Variants in LMOD1 observed in about 807,000 individuals in gnomAD.
LMOD1 encodes the protein leiomodin 1, also known as leiomodin-1.
In LMOD1, 8 loss-of-function variants were observed where a neutral mutation model predicts 36.5. The ratio of observed to expected loss-of-function variants is 0.22; its 90% CI spans 0.13 to 0.40. The LOEUF (loss-of-function observed/expected upper bound fraction) is 0.40, where lower values mean the gene tolerates loss of function less well. Ranked by LOEUF, LMOD1 falls within the 10% of genes least tolerant of loss-of-function variation. The pLI, the probability that LMOD1 is intolerant of heterozygous loss-of-function variation, is 1.00. For missense variants in LMOD1, 630 were observed against 751.1 expected, an observed-to-expected ratio of 0.84 and a Z score of 1.88; for synonymous variants, 284 against 288.7, an observed-to-expected ratio of 0.98 and a Z score of 0.17.
intron 1 of LMOD1, among the ~76,000 whole-genome samples, chr1:201,904,576 A>G (rs991134065): frequency 2.6e-4 from 40 of 152,244 alleles, no homozygotes; most frequent in Middle Eastern, 6.8e-3. Context: ...CTAATCCAGG[A>G]CTACTCCCCA....
chr1:201,903,924 T>G (rs765407310), intron 1 of LMOD1, among the ~76,000 whole-genome samples: 10 of 152,202 alleles, frequency 6.6e-5, no homozygotes, highest in African/African-American at 2.4e-4. Context: ...GTTAACTGAC[T>G]TCACCTAGCA....
intron 1 of LMOD1, among the ~76,000 whole-genome samples, chr1:201,927,623 A>C (rs1262313539): frequency 6.6e-6 from 1 of 151,958 alleles, no homozygotes; most frequent in Non-Finnish European, 1.5e-5. Context: ...TATACTTTTC[A>C]GTGAAGTTGA....
Position 201,899,073 on chromosome 1 carries a change from C to T in LMOD1, c.1776+164G>A. ...TATACAGGTGTGACCTGCCTGCAGG[C>T]AGGAGGATGCATGAGATGACCTGAA... On this transcript the variant is annotated intron_variant, in intron 2 of 2. Transcript: ENST00000367288. The surrounding 1 kb of genome is among the most constrained non-coding windows in gnomAD (Gnocchi z 6.3). 1 of 605,320 alleles carries T rather than the reference C, an allele frequency of 1.7e-6. No individual in the cohort carries two copies. Among genetic ancestry groups the T allele is most frequent in the Non-Finnish European group, 2.8e-6 (1 of 353,318 alleles). The allele number at this position is 605,320 out of a possible 1,614,324, so 37.5% of individuals were successfully genotyped here.
intron 1 of LMOD1, among the ~76,000 whole-genome samples, chr1:201,911,762 C>T (rs923222330): frequency 2.0e-5 from 3 of 152,184 alleles, no homozygotes; most frequent in African/African-American, 7.2e-5. Context: ...CCACCTTACT[C>T]TGTGACTTCC....
chr1:201,933,557 A>ATGTATGTATATGTG (rs1681963212), intron 1 of LMOD1, among the ~76,000 whole-genome samples: 1 of 141,096 alleles, frequency 7.1e-6, no homozygotes, highest in East Asian at 2.1e-4. Context: ...TATATATATA[A>ATGTATGTATATGTG]TACATATATA....
intron 1 of LMOD1, among the ~76,000 whole-genome samples, chr1:201,920,467 G>A (rs1371396249): frequency 6.6e-6 from 1 of 152,064 alleles, no homozygotes; most frequent in African/African-American, 2.4e-5. Context: ...GAGGCCCTTG[G>A]AGACACCGGT....
chr1:201,901,660 G>GTGTA (rs1553295744), intron 1 of LMOD1, among the ~76,000 whole-genome samples: 2 of 85,614 alleles, frequency 2.3e-5, no homozygotes, highest in Non-Finnish European at 4.5e-5. Flanking sequence ...ATATATATGT[G>GTGTA]TATATATATA....
At chr1:201,923,787 G>A (rs1681746691) in intron 1 of LMOD1, among the ~76,000 whole-genome samples, 1 of 151,746 alleles carries the variant, frequency 6.6e-6, no homozygotes, top group East Asian at 1.9e-4. Flanking sequence ...ATCATATGAG[G>A]CCTAGAAGTC....
intron 1 of LMOD1, among the ~76,000 whole-genome samples, chr1:201,901,548 A>T (rs1431480422): frequency 2.0e-5 from 1 of 49,592 alleles, no homozygotes; most frequent in East Asian, 5.9e-4. Context: ...ATATATATAT[A>T]TATACATATA....
chr1:201,902,826 C>T (rs185200988), intron 1 of LMOD1, among the ~76,000 whole-genome samples: 1 of 152,284 alleles, frequency 6.6e-6, no homozygotes, highest in Non-Finnish European at 1.5e-5. Context: ...TTGCACCGAG[C>T]CTGAGCCCTG....
At position 201,936,096 on chromosome 1, in the gene LMOD1, CAAAAAAA is replaced by C. The variant is rs61077548; in HGVS notation, c.261+9977_261+9983del. The stretch of plus-strand genomic sequence containing the variant: ...CACCATTGCACTCCAGACCTTGTCT[CAAAAAAA>C]AAAAAAAAAAAAAAAAAGACATCAA... On this transcript the variant is annotated intron_variant, in intron 1 of 2. Coordinates refer to ENST00000367288, the MANE Select transcript of LMOD1 (RefSeq NM_012134.3). Among the ~76,000 whole-genome samples the C allele has an allele frequency of 1.5e-4, 11 of 73,142 alleles. No individual in the cohort carries two copies. In the East Asian group the frequency reaches 3.1e-3, roughly 20 times the overall value. 48.0% of individuals were successfully genotyped at this position (73,142 alleles called of 152,430 possible).
intron 1 of LMOD1, among the ~76,000 whole-genome samples, chr1:201,945,149 A>C (rs1245211938): frequency 6.6e-6 from 1 of 152,214 alleles, no homozygotes; most frequent in Non-Finnish European, 1.5e-5. Context: ...GTATCCCACA[A>C]AGTCATACTT....
chr1:201,900,052 G>C lies in LMOD1; in HGVS notation c.961C>G (p.Pro321Ala), dbSNP rs769355630. 3.0e-5 allele frequency: 49 copies of C among 1,613,772 alleles called. No homozygotes were observed. The Admixed American group carries it at 8.2e-4, about 27-fold the overall frequency. ...EEAAPSIFDE[P>A]LERVKNNDPE... is the part of the protein sequence containing the mutation. The stretch of plus-strand genomic sequence containing the variant: ...TCATTGTTCTTCACTCTCTCCAGAG[G>C]CTCATCAAATATGCTGGGAGCTGCC... Residue 321 changes from proline (P) to alanine (A), a missense_variant, in exon 2 of 3, where the codon CCT (proline) becomes GCT (alanine). Coordinates refer to ENST00000367288, the MANE Select transcript of LMOD1 (RefSeq NM_012134.3).
At chr1:201,911,820 C>CT (rs1681501721) in intron 1 of LMOD1, among the ~76,000 whole-genome samples, 1 of 152,174 alleles carries the variant, frequency 6.6e-6, no homozygotes, top group Non-Finnish European at 1.5e-5. Flanking sequence ...AATGAAAAGG[C>CT]CTGTGCTTAA....
At chr1:201,945,205 T>C (rs1475639148) in intron 1 of LMOD1, among the ~76,000 whole-genome samples, 2 of 151,366 alleles carry the variant, frequency 1.3e-5, no homozygotes, top group African/African-American at 2.4e-5. Context: ...ACCAATGCAA[T>C]AGTGACAAAA....
chr1:201,920,048 T>C (rs1484804248), intron 1 of LMOD1, among the ~76,000 whole-genome samples: 244 of 26,514 alleles, frequency 9.2e-3, no homozygotes, highest in African/African-American at 0.015. Flanking sequence ...TCTCTCTCTT[T>C]TTTTTTTTTT....
chr1:201,944,166 AACAC>A (rs1357997683), intron 1 of LMOD1, among the ~76,000 whole-genome samples: 1 of 152,128 alleles, frequency 6.6e-6, no homozygotes, highest in Non-Finnish European at 1.5e-5. Flanking sequence ...TGTACACACA[AACAC>A]ACACACCACT....
intron 1 of LMOD1, among the ~76,000 whole-genome samples, chr1:201,903,256 C>T (rs1309998112): frequency 2.0e-5 from 3 of 152,242 alleles, no homozygotes; most frequent in Non-Finnish European, 4.4e-5. Flanking sequence ...GAGTCCTTGG[C>T]TCCTCTGCTA....
intron 1 of LMOD1, among the ~76,000 whole-genome samples, chr1:201,913,942 G>A (rs1681555485): frequency 6.6e-6 from 1 of 151,984 alleles, no homozygotes; most frequent in African/African-American, 2.4e-5. Flanking sequence ...GGCTGTTTTT[G>A]GCTATTGTGA....
Sources: gnomAD v4.1 joint callset for allele counts (sites outside exome capture counted in the v4.1 genomes callset) on GRCh38, gnomAD v4.1.1 for gene constraint, Gnocchi (gnomAD v3.1) non-coding constraint, MANE v1.5 for transcripts, NCBI Gene and HGNC (gene_info 2026-07-23, HGNC 2026-07-21) for gene names.